The following PPA2 variants were observed in gnomAD, a reference collection of about 807,000 sequenced individuals.
The protein encoded by PPA2 is inorganic pyrophosphatase 2, mitochondrial.
PPA2 carries 48 observed loss-of-function variants against 49.5 expected under a neutral mutation model. That is an observed-to-expected ratio of 0.97 (90% CI 0.77 to 1.23). PPA2 has a LOEUF of 1.23. PPA2 is among the 50% of genes most tolerant of loss of function. The pLI is 0.00. For missense variants in PPA2, 429 were observed against 410.1 expected (o/e 1.05, Z -0.40); for synonymous variants, 131 against 139.9 (o/e 0.94, Z 0.45).
At chr4:105,467,779 CAAG>C (rs35431520) in intron 1 of PPA2, among the ~76,000 whole-genome samples, 7,332 of 152,142 alleles carry the variant, frequency 0.048, 562 homozygotes, top group African/African-American at 0.16. Context: ...TAAAAGGTGA[CAAG>C]AAGAATGCCC....
In PPA2 at chr4:105,449,344, C is replaced by G. The variant is rs767370442; in HGVS notation, c.321+6G>C. ...TCGGTTTCATATTAATAAAGTATAT[C>G]GGTACCTCCATTTTAGCATTTGTCC... On this transcript the variant is annotated splice_donor_region_variant and intron_variant, in intron 4 of 11. Coordinates refer to ENST00000341695, the MANE Select transcript of PPA2 (RefSeq NM_176869.3). The G allele has an allele frequency of 6.5e-7, 1 of 1,535,126 alleles. No homozygotes were observed. The highest frequency in any genetic ancestry group is 8.9e-7 in the Non-Finnish European group (1 of 1,118,644).
chr4:105,373,795 A>C (rs565787353), intron 10 of PPA2, among the ~76,000 whole-genome samples: 43 of 147,860 alleles, frequency 2.9e-4, no homozygotes, highest in Admixed American at 1.4e-3. Flanking sequence ...ACACACACAC[A>C]CCCCATCATA....
chr4:105,451,045 T>C (rs987939821), intron 3 of PPA2, among the ~76,000 whole-genome samples: 1 of 152,176 alleles, frequency 6.6e-6, no homozygotes, highest in South Asian at 2.1e-4. Context: ...TTTTCGATCA[T>C]GCCACACATC....
At chr4:105,385,509 T>C (rs1020664956) in intron 10 of PPA2, among the ~76,000 whole-genome samples, 3 of 152,186 alleles carry the variant, frequency 2.0e-5, no homozygotes, top group African/African-American at 4.8e-5. Flanking sequence ...AGGAACATTT[T>C]AGTTGTTCTT....
intron 1 of PPA2, among the ~76,000 whole-genome samples, chr4:105,462,287 C>T (rs1048771489): frequency 6.6e-6 from 1 of 152,098 alleles, no homozygotes; most frequent in African/African-American, 2.4e-5. Context: ...AGTGATACAT[C>T]TTAGGTTAGA....
At chr4:105,382,748 C>A (rs955417836) in intron 10 of PPA2, among the ~76,000 whole-genome samples, 1 of 152,012 alleles carries the variant, frequency 6.6e-6, no homozygotes, top group Middle Eastern at 3.2e-3. Flanking sequence ...CCTGTAATCT[C>A]GGTGCTTTGG....
chr4:105,401,712 T>C (rs1722200334), intron 7 of PPA2, among the ~76,000 whole-genome samples: 1 of 152,222 alleles, frequency 6.6e-6, no homozygotes, highest in South Asian at 2.1e-4. Context: ...AAGCTATATA[T>C]GTAATTAAGC....
At chr4:105,450,596 G>A (rs1722625546) in intron 3 of PPA2, among the ~76,000 whole-genome samples, 1 of 83,266 alleles carries the variant, frequency 1.2e-5, no homozygotes, top group South Asian at 4.6e-4. Context: ...GGCTGGTCTG[G>A]AATTCTTTTT....
chr4:105,396,162 A>G lies in PPA2; in HGVS notation c.869+87T>C, dbSNP rs1009442522. 7.2e-6 allele frequency: 6 copies of G among 834,176 alleles called. No homozygotes were observed. The African/African-American group carries it at 1.0e-4, about 14-fold the overall frequency. The allele number at this position is 834,176 out of a possible 1,614,324, so 51.7% of individuals were successfully genotyped here. A position where few individuals can be genotyped will look rare whatever the true frequency, so the allele number is the denominator to read the frequency against. ...AATCTGTATTGTTTAAATTAAAAAA[A>G]ATGCAAAAATCTGAAATCTGATTAT... On this transcript the variant is annotated intron_variant, in intron 9 of 11. Coordinates refer to ENST00000341695, the MANE Select transcript of PPA2 (RefSeq NM_176869.3).
At chr4:105,418,651 T>C (rs1723115899) in intron 7 of PPA2, among the ~76,000 whole-genome samples, 1 of 152,242 alleles carries the variant, frequency 6.6e-6, no homozygotes, top group African/African-American at 2.4e-5. Flanking sequence ...TTTAAATCTT[T>C]CATTTTTTAA....
chr4:105,403,417 T>C (rs1350337452), intron 7 of PPA2, among the ~76,000 whole-genome samples: 2 of 152,216 alleles, frequency 1.3e-5, no homozygotes, highest in African/African-American at 4.8e-5. Context: ...GCAGCCATGA[T>C]TTACTTTCAA....
At chr4:105,393,222 A>G (rs1344159062) in intron 9 of PPA2, among the ~76,000 whole-genome samples, 1 of 151,890 alleles carries the variant, frequency 6.6e-6, no homozygotes, top group Non-Finnish European at 1.5e-5. Context: ...GGCCGGGCGC[A>G]GTGGCTCACA....
chr4:105,412,620 G>T lies in PPA2; in HGVS notation c.655+11576C>A, dbSNP rs1722815312. On this transcript the variant is annotated intron_variant, in intron 7 of 11. Coordinates refer to ENST00000341695, the MANE Select transcript of PPA2 (RefSeq NM_176869.3). ...AGGGCTAATATCCAGAATCTACAAA[G>T]AACTTAAATAAATTTACAAGAAAAA... Among the ~76,000 whole-genome samples the T allele has an allele frequency of 3.3e-5, 5 of 151,924 alleles. No homozygotes were observed. In the South Asian group the frequency reaches 1.0e-3, roughly 31 times the overall value.
chr4:105,450,088 G>GT (rs1722602079), intron 3 of PPA2, among the ~76,000 whole-genome samples: 1 of 151,772 alleles, frequency 6.6e-6, no homozygotes, highest in Non-Finnish European at 1.5e-5. Context: ...AACCAAAGGA[G>GT]ACCCTAGGTC....
At chr4:105,409,235 CCAT>C (rs1261659641) in intron 7 of PPA2, among the ~76,000 whole-genome samples, 4 of 152,244 alleles carry the variant, frequency 2.6e-5, no homozygotes, top group Non-Finnish European at 5.9e-5. Context: ...AACTGGCAGA[CCAT>C]GGAATTCCCT....
At chr4:105,425,437 T>C (rs1723452611) in intron 6 of PPA2, among the ~76,000 whole-genome samples, 2 of 152,174 alleles carry the variant, frequency 1.3e-5, no homozygotes, top group South Asian at 4.1e-4. Context: ...AAAAATTCTC[T>C]CAATGAGCTT....
intron 9 of PPA2, among the ~76,000 whole-genome samples, chr4:105,389,919 C>T (rs964193632): frequency 2.6e-5 from 4 of 152,108 alleles, no homozygotes; most frequent in African/African-American, 9.7e-5. Flanking sequence ...AAAGCCAAAA[C>T]AACTGAGGCT....
At chr4:105,435,788 G>C (rs1560630074) in intron 6 of PPA2, among the ~76,000 whole-genome samples, 1 of 152,036 alleles carries the variant, frequency 6.6e-6, no homozygotes, top group Admixed American at 6.5e-5. Context: ...AACGAACTAG[G>C]CACTGAAGGA....
At chr4:105,448,772 T>C (rs1221540964) in intron 4 of PPA2, among the ~76,000 whole-genome samples, 1 of 151,714 alleles carries the variant, frequency 6.6e-6, no homozygotes, top group South Asian at 2.1e-4. Context: ...AGAATCTACT[T>C]AAACAACCTT....
Sources: gnomAD v4.1 joint callset for allele counts (sites outside exome capture counted in the v4.1 genomes callset) on GRCh38, gnomAD v4.1.1 for gene constraint, MANE v1.5 for transcripts, NCBI Gene and HGNC (gene_info 2026-07-23, HGNC 2026-07-21) for gene names.